Variants in UBR1 observed in about 807,000 individuals in gnomAD.
UBR1 encodes the protein ubiquitin protein ligase E3 component n-recognin 1, also known as E3 ubiquitin-protein ligase UBR1.
In UBR1, 102 loss-of-function variants were observed where a neutral mutation model predicts 242.1. The ratio of observed to expected loss-of-function variants is 0.42; its 90% CI spans 0.36 to 0.50. UBR1 has a LOEUF of 0.50. UBR1 is among the 20% of genes least tolerant of loss of function. UBR1 has a pLI of 0.01. For synonymous variants in UBR1, 675 were observed against 684.8 expected (o/e 0.99, Z 0.22); for missense variants, 1,772 against 2,101.8 (o/e 0.84, Z 3.07).
chr15:42,946,946 G>A (rs1312610674), intron 46 of UBR1, among the ~76,000 whole-genome samples: 3 of 152,100 alleles, frequency 2.0e-5, no homozygotes, highest in African/African-American at 7.2e-5. Flanking sequence ...TCAGGAGTTC[G>A]AGACCAGTCT....
intron 27 of UBR1, among the ~76,000 whole-genome samples, chr15:43,018,538 C>A (rs1322126389): frequency 2.6e-5 from 4 of 152,158 alleles, no homozygotes; most frequent in Non-Finnish European, 5.9e-5. Flanking sequence ...GAGGCGCACA[C>A]CACCATACCC....
chr15:42,966,571 G>A (rs556195503), intron 40 of UBR1, among the ~76,000 whole-genome samples: 4 of 151,984 alleles, frequency 2.6e-5, no homozygotes, highest in African/African-American at 4.8e-5. Flanking sequence ...CCAGCTACTC[G>A]GGAGGCTGAG....
At chr15:42,985,089 C>A in intron 35 of UBR1, 147 bp from the exon 36 acceptor site, 1 of 614,346 alleles carries the variant, frequency 1.6e-6, no homozygotes, top group Non-Finnish European at 2.6e-6. Context: ...TAAGTCTATG[C>A]CAAAATTTTC....
rs2033356037 is a variant in UBR1, at chr15:43,037,759, A to G, written c.2022+14T>C. On this transcript the variant is annotated intron_variant, in intron 17 of 46. Coordinates refer to ENST00000290650, the MANE Select transcript of UBR1 (RefSeq NM_174916.3). ...GAGCACATTCATAAATATGAATAAT[A>G]GACTTTGCTGTACCTGGCTAATAAG... 2 of 1,609,892 alleles carry G rather than the reference A, an allele frequency of 1.2e-6. No individual in the cohort carries two copies. Among genetic ancestry groups the G allele is most frequent in the Admixed American group, 1.7e-5 (1 of 59,964 alleles).
chr15:42,973,794 A>G (rs2032243888), intron 39 of UBR1, among the ~76,000 whole-genome samples: 1 of 150,970 alleles, frequency 6.6e-6, no homozygotes, highest in African/African-American at 2.4e-5. Flanking sequence ...CCTATCAATT[A>G]TTTCTCTCAC....
intron 39 of UBR1, among the ~76,000 whole-genome samples, chr15:42,975,706 T>G (rs2032278282): frequency 6.6e-6 from 1 of 152,060 alleles, no homozygotes; most frequent in Admixed American, 6.6e-5. Flanking sequence ...TTTCTTCTTT[T>G]TTTAAGAGAT....
chr15:43,065,582 C>A (rs1403739681), intron 6 of UBR1, among the ~76,000 whole-genome samples: 1 of 152,188 alleles, frequency 6.6e-6, no homozygotes, highest in Non-Finnish European at 1.5e-5. Context: ...TCATTCAGCT[C>A]CACTTATAAA....
chr15:43,072,560 T>C (rs2033835726), intron 4 of UBR1, among the ~76,000 whole-genome samples: 1 of 152,228 alleles, frequency 6.6e-6, no homozygotes, highest in African/African-American at 2.4e-5. Context: ...TCCAATACAA[T>C]ATTGAACAGA....
chr15:43,034,367 G>C (rs903297245), intron 19 of UBR1, among the ~76,000 whole-genome samples: 3 of 151,396 alleles, frequency 2.0e-5, no homozygotes, highest in African/African-American at 4.8e-5. Flanking sequence ...ACTAGAATGG[G>C]AGAAGAAGGT....
chr15:43,019,162 A>G (rs916713144), intron 27 of UBR1, among the ~76,000 whole-genome samples: 3 of 151,816 alleles, frequency 2.0e-5, no homozygotes, highest in Non-Finnish European at 4.4e-5. Flanking sequence ...CCCGGGTTCA[A>G]GCCATTCTCC....
intron 41 of UBR1, among the ~76,000 whole-genome samples, chr15:42,964,555 G>A (rs2032075169): frequency 6.6e-6 from 1 of 152,012 alleles, no homozygotes; most frequent in Non-Finnish European, 1.5e-5. Flanking sequence ...AAATTGTATC[G>A]AGTCACTCTC....
intron 3 of UBR1, among the ~76,000 whole-genome samples, chr15:43,078,797 C>T (rs2033938247): frequency 6.6e-6 from 1 of 151,936 alleles, no homozygotes; most frequent in Non-Finnish European, 1.5e-5. Context: ...AGCAAGATCC[C>T]ATTTCTACAG....
intron 37 of UBR1, among the ~76,000 whole-genome samples, chr15:42,982,163 T>G (rs1448915857): frequency 6.6e-6 from 1 of 152,242 alleles, no homozygotes; most frequent in East Asian, 1.9e-4. Flanking sequence ...TGTGTCACTA[T>G]GCTGGGCAAT....
chr15:43,025,359 A>C (rs760182753), intron 24 of UBR1, 22 bp downstream of exon 24: 54 of 1,601,682 alleles, frequency 3.4e-5, no homozygotes, highest in South Asian at 5.5e-5. Context: ...AAAATGAGTC[A>C]ATTCAGAATC....
At chr15:43,053,480 G>T (rs1421827187) in intron 12 of UBR1, among the ~76,000 whole-genome samples, 2 of 152,046 alleles carry the variant, frequency 1.3e-5, no homozygotes, top group Non-Finnish European at 2.9e-5. Context: ...TGTAAGTTTT[G>T]CATAATTTGG....
chr15:43,048,235 C>CT lies in UBR1; in HGVS notation c.1539+156dup, dbSNP rs375471647. The stretch of plus-strand genomic sequence containing the variant: ...AGTAAACTAAGGTATATAAAAGGAT[C>CT]TATCAAAACAGGATGAGTGAGTCAA... On this transcript the variant is annotated intron_variant, in intron 13 of 46. Coordinates refer to ENST00000290650, the MANE Select transcript of UBR1 (RefSeq NM_174916.3). 1.0e-3 allele frequency among the ~76,000 whole-genome samples: 156 copies of CT among 151,722 alleles called. 1 individual carries two copies. The highest frequency in any genetic ancestry group is 3.6e-3 in the African/African-American group (151 of 41,412).
chr15:43,047,083 G>T, intron 14 of UBR1, 78 bp downstream of exon 14: 1 of 1,526,172 alleles, frequency 6.6e-7, no homozygotes, highest in East Asian at 2.3e-5. Context: ...CATCAAGGAA[G>T]CTGCAACATA....
At chr15:43,048,262 G>T in intron 13 of UBR1, 130 bp downstream of exon 13, 1 of 695,438 alleles carries the variant, frequency 1.4e-6, no homozygotes, top group Non-Finnish European at 2.4e-6. Context: ...GTGAGTCAAT[G>T]TTTAAATCTT....
At chr15:43,005,121 G>C (rs1481906004) in intron 30 of UBR1, among the ~76,000 whole-genome samples, 1 of 151,972 alleles carries the variant, frequency 6.6e-6, no homozygotes, top group Non-Finnish European at 1.5e-5. Context: ...CGTCTGAGAA[G>C]TGAGGAGCCC....
Sources: allele counts gnomAD v4.1 joint callset (sites outside exome capture counted in the v4.1 genomes callset), GRCh38; gene constraint gnomAD v4.1.1; transcripts MANE v1.5; gene names NCBI Gene and HGNC (gene_info 2026-07-23, HGNC 2026-07-21).